The following ERICH1 variants were observed in gnomAD, a reference collection of about 807,000 sequenced individuals.
The protein encoded by ERICH1 is glutamate rich 1, also known as glutamate-rich protein 1.
ERICH1 carries 56 observed loss-of-function variants against 39.6 expected under a neutral mutation model. The observed-to-expected ratio is 1.41, with a 90% confidence interval of 1.14 to 1.77. The LOEUF is 1.77. Ranked by LOEUF, ERICH1 falls within the 40% of genes most tolerant of loss-of-function variation. The pLI is 0.00. For missense variants in ERICH1, 826 were observed against 575.4 expected, an observed-to-expected ratio of 1.44 and a Z score of -4.45; for synonymous variants, 313 against 223.6, an observed-to-expected ratio of 1.40 and a Z score of -3.57.
intron 5 of ERICH1, among the ~76,000 whole-genome samples, chr8:665,273 C>A (rs1802023965): frequency 6.6e-6 from 1 of 152,160 alleles, no homozygotes; most frequent in African/African-American, 2.4e-5. Context: ...CCGGCTCCGA[C>A]CTCTGAGCCC....
chr8:669,786 C>A (rs544569308), intron 4 of ERICH1, among the ~76,000 whole-genome samples: 5 of 152,240 alleles, frequency 3.3e-5, no homozygotes, highest in Admixed American at 6.5e-5. Context: ...AACAAGCCCC[C>A]GACTTCCCCT....
chr8:632,150 T>A (rs1036176638), intron 3 of ERICH1, among the ~76,000 whole-genome samples: 7 of 152,166 alleles, frequency 4.6e-5, no homozygotes, highest in Admixed American at 6.5e-5. Flanking sequence ...GATAAATGAA[T>A]AAGGGAGGCT....
intron 5 of ERICH1, chr8:667,658 T>C (rs34838618): frequency 0.15 from 22,677 of 153,380 alleles, 2,353 homozygotes; most frequent in East Asian, 0.38. Context: ...CCAGCACCCA[T>C]ATGCTCTGCA....
chr8:707,354 CCT>C (rs1813544903), intron 2 of ERICH1, among the ~76,000 whole-genome samples: 1 of 151,830 alleles, frequency 6.6e-6, no homozygotes, highest in Non-Finnish European at 1.5e-5. Context: ...ACTACAGGTA[CCT>C]GCCACCATGC....
At chr8:615,039 G>C in exon 4 of ERICH1, 1 of 464,462 alleles carries the variant, frequency 2.2e-6, no homozygotes, top group Non-Finnish European at 3.8e-6. Context: ...AGCAGACGTG[G>C]CTACGCTCCC....
chr8:705,615 T>C (rs1813093396), intron 2 of ERICH1, among the ~76,000 whole-genome samples: 1 of 152,158 alleles, frequency 6.6e-6, no homozygotes, highest in Non-Finnish European at 1.5e-5. Context: ...AGATCAGGAA[T>C]GAGACCAGGA....
At chr8:672,986 G>C (rs1182912090) in intron 4 of ERICH1, among the ~76,000 whole-genome samples, 1 of 152,260 alleles carries the variant, frequency 6.6e-6, no homozygotes, top group African/African-American at 2.4e-5. Context: ...TAGAGGCATG[G>C]AGGACACGGG....
chr8:717,020 C>T (rs73178863), intron 1 of ERICH1, among the ~76,000 whole-genome samples: 21,025 of 152,202 alleles, frequency 0.14, 1,654 homozygotes, highest in Middle Eastern at 0.24. Context: ...CAGAGCTCCC[C>T]GTGCCCTCCG....
At position 676,336 on chromosome 8, in the gene ERICH1, G is replaced by A. The variant is rs553978332; in HGVS notation, c.305-2289C>T. The stretch of plus-strand genomic sequence containing the variant: ...GAGGACAGAGACGCGGCGGCCCCTC[G>A]GCGAGGACAGAGACGCGGCGGCCCC... On this transcript the variant is annotated intron_variant, in intron 3 of 5. Transcript: ENST00000262109. Among the ~76,000 whole-genome samples, 53 of 21,034 alleles carry A rather than the reference G, an allele frequency of 2.5e-3. 4 individuals are homozygous for A. Among genetic ancestry groups the A allele is most frequent in the Admixed American group, 4.0e-3 (9 of 2,272 alleles). 13.8% of individuals were successfully genotyped at this position (21,034 alleles called of 152,430 possible).
intron 2 of ERICH1, among the ~76,000 whole-genome samples, chr8:708,574 T>C (rs1384103190): frequency 6.6e-6 from 1 of 152,146 alleles, no homozygotes; most frequent in Non-Finnish European, 1.5e-5. Context: ...CATGATTCCA[T>C]TTATATGACA....
intron 3 of ERICH1, chr8:615,351 G>T: frequency 1.7e-6 from 1 of 604,260 alleles, no homozygotes; most frequent in Non-Finnish European, 2.9e-6. Flanking sequence ...TTGATCCACA[G>T]ATGTGTGCCG....
chr8:663,515 CACAGGCGGG>C (rs145134905), downstream of ERICH1, among the ~76,000 whole-genome samples: 549 of 149,792 alleles, frequency 3.7e-3, 4 homozygotes, highest in African/African-American at 0.013. Context: ...CACGGATGCT[CACAGGCGGG>C]ACAGGCGGGA....
chr8:656,678 G>A (rs899064994), intron 3 of ERICH1: 3 of 920,302 alleles, frequency 3.3e-6, no homozygotes, highest in African/African-American at 3.6e-5. Flanking sequence ...TTGCCTCTGG[G>A]AATAAAGGAC....
intron 2 of ERICH1, among the ~76,000 whole-genome samples, chr8:710,414 C>T (rs1199852145): frequency 6.6e-6 from 1 of 150,928 alleles, no homozygotes; most frequent in Non-Finnish European, 1.5e-5. Flanking sequence ...CTGCTCCTCC[C>T]AGTCCTTGGC....
chr8:687,667 C>T (rs1426907553), intron 3 of ERICH1, among the ~76,000 whole-genome samples: 6 of 152,232 alleles, frequency 3.9e-5, no homozygotes, highest in Admixed American at 1.3e-4. Context: ...GCGGCCCAGG[C>T]GAGGCAGGAC....
At chr8:654,401 C>G (rs1800349958) in intron 3 of ERICH1, among the ~76,000 whole-genome samples, 2 of 152,008 alleles carry the variant, frequency 1.3e-5, no homozygotes, top group African/African-American at 4.8e-5. Context: ...AGGGGCAGAG[C>G]TGGGACGGGG....
intron 3 of ERICH1, among the ~76,000 whole-genome samples, chr8:692,264 G>T (rs1030026688): frequency 2.6e-5 from 4 of 152,130 alleles, no homozygotes; most frequent in Non-Finnish European, 5.9e-5. Flanking sequence ...TCCTCCATAT[G>T]AAGTCTTTTT....
At chr8:712,201 A>G (rs1454609931) in intron 2 of ERICH1, among the ~76,000 whole-genome samples, 1 of 152,220 alleles carries the variant, frequency 6.6e-6, no homozygotes, top group East Asian at 1.9e-4. Context: ...TGGGATATTA[A>G]TCAGGATTGT....
intron 3 of ERICH1, among the ~76,000 whole-genome samples, chr8:688,241 A>C (rs4735905): frequency 0.5 from 71,303 of 142,754 alleles, 17,752 homozygotes; most frequent in Middle Eastern, 0.59. Flanking sequence ...TCTCGCAGAA[A>C]AGGTAAAGCG....
Sources: gnomAD v4.1 joint callset for allele counts (sites outside exome capture counted in the v4.1 genomes callset) on GRCh38, gnomAD v4.1.1 for gene constraint, MANE v1.5 for transcripts, NCBI Gene and HGNC (gene_info 2026-07-23, HGNC 2026-07-21) for gene names.